ZNF445: variants seen among roughly 807,000 people sequenced by gnomAD.
ZNF445 encodes the protein zinc finger protein 445.
A neutral mutation model predicts 93.9 loss-of-function variants in ZNF445; 19 were observed. That is an observed-to-expected ratio of 0.20 (90% CI 0.14 to 0.30). ZNF445 has a LOEUF of 0.30. Among genes scored for constraint, ZNF445 ranks in the 10% least tolerant of loss-of-function variants. The pLI is 1.00. For synonymous variants in ZNF445, 449 were observed against 446.3 expected (o/e 1.01, Z -0.08); for missense variants, 1,058 against 1,259.4 (o/e 0.84, Z 2.42).
chr3:44,437,430 T>TA lies in ZNF445; in HGVS notation c.*9144dup, dbSNP rs1575301991. 1 of 151,372 alleles carries TA rather than the reference T, an allele frequency of 6.6e-6. No individual in the cohort carries two copies. Among genetic ancestry groups the TA allele is most frequent in the Non-Finnish European group, 1.5e-5 (1 of 67,810 alleles). 9.4% of individuals were successfully genotyped at this position (151,372 alleles called of 1,614,324 possible). On this transcript the variant is annotated 3_prime_UTR_variant, in exon 8 of 8. Coordinates refer to ENST00000396077, the MANE Select transcript of ZNF445 (RefSeq NM_181489.6). The stretch of plus-strand genomic sequence containing the variant: ...GGAAAGGGGTCCCGATCCAGACTCT[T>TA]AAGAGAGTTCTTGGATCTCGTGCAA...
In ZNF445 at chr3:44,435,314, T is replaced by A. The variant is rs1380816002; in HGVS notation, c.*11261A>T. 1 of 152,204 alleles carries A rather than the reference T, an allele frequency of 6.6e-6. No homozygotes were observed. Among genetic ancestry groups the A allele is most frequent in the Non-Finnish European group, 1.5e-5 (1 of 68,040 alleles). 9.4% of individuals were successfully genotyped at this position (152,204 alleles called of 1,614,324 possible). Reference sequence around the variant, plus strand: ...TCTTCTCTCTTTTGCAAAACCCATGTCACAGTGATTGATTTACTGTGTGAG... The same window carrying A: ...TCTTCTCTCTTTTGCAAAACCCATGACACAGTGATTGATTTACTGTGTGAG... On this transcript the variant is annotated 3_prime_UTR_variant, in exon 8 of 8. Coordinates refer to ENST00000396077, the MANE Select transcript of ZNF445 (RefSeq NM_181489.6).
In ZNF445 at chr3:44,437,770, G is replaced by A. The variant is rs1697715626; in HGVS notation, c.*8805C>T. The A allele has an allele frequency of 6.6e-6, 1 of 152,162 alleles. No homozygotes were observed. Among genetic ancestry groups the A allele is most frequent in the Non-Finnish European group, 1.5e-5 (1 of 68,042 alleles). 9.4% of individuals were successfully genotyped at this position (152,162 alleles called of 1,614,324 possible). ...GGATTTCTTCAGTATCATCCTTTCT[G>A]TGGTTTGCCAGAAATATGTTACAGG... is the stretch of plus-strand genomic sequence containing the variant. On this transcript the variant is annotated 3_prime_UTR_variant, in exon 8 of 8. Coordinates refer to ENST00000396077, the MANE Select transcript of ZNF445 (RefSeq NM_181489.6).
At position 44,448,248 on chromosome 3, in the gene ZNF445, C is replaced by A; in HGVS notation, c.1423G>T (p.Gly475Trp). ...DFSLSSHHQR[G>W]QSLHTVGVSF... ...ACTCCCACTGTGTGAAGACTCTGCC[C>A]ACGTTGGTGATGAGAGCTAAGGCTG... The change falls in exon 8 of 8, where the codon GGG becomes TGG. Residue 475 changes from glycine (G) to tryptophan (W), a missense_variant. Transcript: ENST00000396077. 6.2e-7 allele frequency: 1 copy of A among 1,614,184 alleles called. No homozygotes were observed. The highest frequency in any genetic ancestry group is 8.5e-7 in the Non-Finnish European group (1 of 1,180,040).
intron 1 of ZNF445, among the ~76,000 whole-genome samples, chr3:44,472,273 C>G (rs938746557): frequency 3.3e-5 from 5 of 152,188 alleles, no homozygotes; most frequent in Admixed American, 2.0e-4. Context: ...AAATTAGCTC[C>G]AAAAATAAGT....
rs973616547 is a variant in ZNF445 at position 44,436,512 on chromosome 3, G to A, written c.*10063C>T. 1.3e-5 allele frequency: 2 copies of A among 152,166 alleles called. No homozygotes were observed. Among genetic ancestry groups the A allele is most frequent in the African/African-American group, 4.8e-5 (2 of 41,428 alleles). The allele number at this position is 152,166 out of a possible 1,614,324, so 9.4% of individuals were successfully genotyped here. ...AGTGTCCTCTGGACCCTCCCTGGGTGGGTGAGCAGGTATTTACATGATAAA... is the reference window on the plus strand; with the variant it reads ...AGTGTCCTCTGGACCCTCCCTGGGTAGGTGAGCAGGTATTTACATGATAAA... On this transcript the variant is annotated 3_prime_UTR_variant, in exon 8 of 8. Coordinates refer to ENST00000396077, the MANE Select transcript of ZNF445 (RefSeq NM_181489.6).
chr3:44,468,391 TAC>T (rs1311912642), intron 1 of ZNF445, among the ~76,000 whole-genome samples: 1 of 152,208 alleles, frequency 6.6e-6, no homozygotes, highest in Non-Finnish European at 1.5e-5. Flanking sequence ...GGGAGAAACT[TAC>T]AGTTTATAGT....
At chr3:44,452,008 T>C (rs531529208) in intron 3 of ZNF445, among the ~76,000 whole-genome samples, 7 of 152,232 alleles carry the variant, frequency 4.6e-5, no homozygotes, top group Admixed American at 3.3e-4. Flanking sequence ...ATAACACTGA[T>C]AGAGAGGCAA....
intron 1 of ZNF445, among the ~76,000 whole-genome samples, chr3:44,463,601 C>A (rs894399840): frequency 1.2e-4 from 19 of 152,078 alleles, no homozygotes; most frequent in Non-Finnish European, 1.0e-4. Context: ...TATGAGAGAG[C>A]TTTGGTGTGT....
chr3:44,446,989 T>C lies in ZNF445; in HGVS notation c.2682A>G (p.Arg894=). 1.2e-6 allele frequency: 2 copies of C among 1,614,208 alleles called. No individual in the cohort carries two copies. Among genetic ancestry groups the C allele is most frequent in the Non-Finnish European group, 1.7e-6 (2 of 1,180,036 alleles). The part of the protein sequence containing the change: ...VNHQRIHSTE[R]PFKCQWCGKE... ...TCCCACACCACTGACATTTGAAAGG[T>C]CTCTCTGTAGAGTGGATCCTCTGAT... Residue 894 remains arginine (R), a synonymous_variant, in exon 8 of 8, where the codon AGA becomes AGG. Transcript: ENST00000396077. This position sits in a 1 kb window ranked among gnomAD's most constrained non-coding sequence, Gnocchi z 4.2.
At chr3:44,461,801 T>C (rs1698117850) in intron 1 of ZNF445, among the ~76,000 whole-genome samples, 1 of 152,200 alleles carries the variant, frequency 6.6e-6, no homozygotes, top group Non-Finnish European at 1.5e-5. Context: ...GTTGGGCAAA[T>C]TAAGAATATT....
Position 44,448,122 on chromosome 3 carries a change from C to T in ZNF445, c.1549G>A (p.Val517Met). The stretch of plus-strand genomic sequence containing the variant: ...CTCCACCGGAAGGCTTTCCCACACA[C>T]CCTACATTTAAATGCTTTCTCTTGA... ...HTQEKAFKCR[V>M]CGKAFRWSSN... is the part of the protein sequence containing the mutation. Residue 517 changes from valine to methionine, a missense_variant, in exon 8 of 8, where the codon GTG (valine) becomes ATG (methionine). Physicochemically the swap from Val to Met is conservative, Grantham distance 21. Around this residue, in one of 3 missense-constraint regions of ZNF445, gnomAD observed 657 missense variants for 746.4 expected, o/e 0.88. Coordinates refer to ENST00000396077, the MANE Select transcript of ZNF445 (RefSeq NM_181489.6). 1 of 1,614,062 alleles carries T rather than the reference C, an allele frequency of 6.2e-7. No individual in the cohort carries two copies. Among genetic ancestry groups the T allele is most frequent in the Non-Finnish European group, 8.5e-7 (1 of 1,180,026 alleles).
intron 1 of ZNF445, among the ~76,000 whole-genome samples, chr3:44,468,174 G>A (rs1698219343): frequency 6.6e-6 from 1 of 152,178 alleles, no homozygotes; most frequent in African/African-American, 2.4e-5. Context: ...CCTGTCAGGA[G>A]GAAGAAGCCA....
intron 1 of ZNF445, among the ~76,000 whole-genome samples, chr3:44,473,490 C>CAAAA (rs1553614175): frequency 1.8e-5 from 1 of 56,930 alleles, no homozygotes; most frequent in Admixed American, 2.6e-4. Flanking sequence ...CACACACACA[C>CAAAA]AAAAAATGCT....
Position 44,455,500 on chromosome 3 carries a change from G to C in ZNF445, c.50C>G (p.Ser17Trp), listed in dbSNP as rs780315595. The C allele has an allele frequency of 4.3e-6, 7 of 1,611,666 alleles. No individual in the cohort carries two copies. The highest frequency in any genetic ancestry group is 4.0e-5 in the African/African-American group (3 of 74,892). The change falls in exon 3 of 8, where the codon TCG becomes TGG. Residue 17 changes from serine to tryptophan, a missense_variant. By Grantham distance (177) the Ser-to-Trp change is radical. Around this residue, in one of 3 missense-constraint regions of ZNF445, gnomAD observed 657 missense variants for 746.4 expected, o/e 0.88. Transcript: ENST00000396077. ...TGTCTGAAGCCGCCCTCGCTCCCTC[G>C]AAGACTGGGCCTGAGCTGGATAGGC... is the stretch of plus-strand genomic sequence containing the variant. ...HAAYPAQAQS[S>W]RERGRLQTVK...
At chr3:44,477,214 T>C (rs1423582244) in intron 1 of ZNF445, among the ~76,000 whole-genome samples, 1 of 152,264 alleles carries the variant, frequency 6.6e-6, no homozygotes, top group Non-Finnish European at 1.5e-5. Context: ...TGCAGAATTA[T>C]GCACAGATAT....
chr3:44,431,880 G>C lies in ZNF445; in HGVS notation c.*14695C>G, dbSNP rs546283569. 6.6e-6 allele frequency: 1 copy of C among 152,108 alleles called. No individual in the cohort carries two copies. Among genetic ancestry groups the C allele is most frequent in the Non-Finnish European group, 1.5e-5 (1 of 68,036 alleles). The allele number at this position is 152,108 out of a possible 1,614,324, so 9.4% of individuals were successfully genotyped here. A position where few individuals can be genotyped will look rare whatever the true frequency, so the allele number is the denominator to read the frequency against. On this transcript the variant is annotated 3_prime_UTR_variant, in exon 8 of 8. Coordinates refer to ENST00000396077, the MANE Select transcript of ZNF445 (RefSeq NM_181489.6). ...AAACAACCACAGACAATATGTAAAT[G>C]AATGAATATATCTGAAGATTATATG...
intron 3 of ZNF445, 164 bp downstream of exon 3, chr3:44,454,957 T>C: frequency 1.3e-6 from 1 of 769,090 alleles, no homozygotes; most frequent in Non-Finnish European, 2.1e-6. Context: ...AAAGGGTCCG[T>C]GGCTCAGGGT....
intron 3 of ZNF445, chr3:44,454,829 A>G (rs1157135157): frequency 7.2e-6 from 3 of 414,102 alleles, no homozygotes; most frequent in Non-Finnish European, 1.3e-5. Context: ...TCAGCCTCCT[A>G]AAGTGCTGGG....
At chr3:44,452,437 T>C (rs889550326) in intron 3 of ZNF445, among the ~76,000 whole-genome samples, 1 of 152,144 alleles carries the variant, frequency 6.6e-6, no homozygotes, top group African/African-American at 2.4e-5. Context: ...TTTCACACTG[T>C]GATAATTTTG....
Sources: allele counts gnomAD v4.1 joint callset (sites outside exome capture counted in the v4.1 genomes callset), GRCh38; gene constraint gnomAD v4.1.1; regional missense constraint gnomAD v4.1.1; non-coding constraint Gnocchi (gnomAD v3.1); transcripts MANE v1.5; gene names NCBI Gene and HGNC (gene_info 2026-07-23, HGNC 2026-07-21).